Variants in LCORL observed in about 807,000 individuals in gnomAD.
The protein encoded by LCORL is ligand-dependent nuclear receptor corepressor-like protein.
In LCORL, 41 loss-of-function variants were observed where a neutral mutation model predicts 141.8. That is an observed-to-expected ratio of 0.29 (90% CI 0.23 to 0.38). The LOEUF (loss-of-function observed/expected upper bound fraction) is 0.38. Among genes scored for constraint, LCORL ranks in the 10% least tolerant of loss-of-function variants. The pLI, the probability that LCORL is intolerant of heterozygous loss-of-function variation, is 1.00. For synonymous variants in LCORL, 618 were observed against 694.1 expected, an observed-to-expected ratio of 0.89 and a Z score of 1.72; for missense variants, 1,759 against 2,035.0, an observed-to-expected ratio of 0.86 and a Z score of 2.61.
At chr4:17,924,016 G>A (rs1734719850) in intron 4 of LCORL, among the ~76,000 whole-genome samples, 1 of 151,820 alleles carries the variant, frequency 6.6e-6, no homozygotes, top group Admixed American at 6.6e-5. Context: ...TTTCTTTGAA[G>A]GAGAAATGGC....
At chr4:17,871,561 C>T (rs938936352) in intron 7 of LCORL, among the ~76,000 whole-genome samples, 19 of 151,802 alleles carry the variant, frequency 1.3e-4, no homozygotes, top group South Asian at 6.2e-4. Context: ...GGACAAAATA[C>T]GGTTCTGTTG....
chr4:17,920,305 G>C (rs1476701766), intron 4 of LCORL, among the ~76,000 whole-genome samples: 1 of 152,156 alleles, frequency 6.6e-6, no homozygotes, highest in Admixed American at 6.5e-5. Flanking sequence ...CATTATGGTG[G>C]TATGGAAATA....
intron 7 of LCORL, among the ~76,000 whole-genome samples, chr4:17,847,588 C>T (rs902201490): frequency 4.6e-5 from 7 of 151,972 alleles, no homozygotes; most frequent in Admixed American, 6.6e-5. Context: ...AAAGCTAAAA[C>T]GGATGTGATT....
chr4:17,890,130 T>C (rs909540491), intron 5 of LCORL, among the ~76,000 whole-genome samples: 4 of 152,116 alleles, frequency 2.6e-5, no homozygotes, highest in Non-Finnish European at 5.9e-5. Flanking sequence ...AATGCTGAAA[T>C]GAATATCCTT....
chr4:17,965,503 T>C (rs1475932950), intron 2 of LCORL, among the ~76,000 whole-genome samples: 6 of 152,186 alleles, frequency 3.9e-5, no homozygotes, highest in Admixed American at 3.3e-4. Flanking sequence ...GGTTAAATTA[T>C]ATATCTTATA....
At chr4:18,006,017 G>C (rs528120472) in intron 1 of LCORL, among the ~76,000 whole-genome samples, 12 of 152,114 alleles carry the variant, frequency 7.9e-5, no homozygotes, top group Non-Finnish European at 1.5e-4. Flanking sequence ...CACATTGCCA[G>C]ACTGCAAAAT....
chr4:17,863,971 GAAC>G (rs1314682246), intron 7 of LCORL, among the ~76,000 whole-genome samples: 3 of 152,232 alleles, frequency 2.0e-5, no homozygotes, highest in South Asian at 2.1e-4. Flanking sequence ...CCAAAGAAGA[GAAC>G]AACAGAAAGC....
At chr4:18,004,993 C>A (rs1722559576) in intron 1 of LCORL, among the ~76,000 whole-genome samples, 1 of 151,970 alleles carries the variant, frequency 6.6e-6, no homozygotes, top group South Asian at 2.1e-4. Flanking sequence ...TCTTGGCTCA[C>A]TGCAACCTCC....
At chr4:17,882,321 GCACT>G in intron 6 of LCORL, 1 of 984,526 alleles carries the variant, frequency 1.0e-6, no homozygotes, top group South Asian at 4.7e-5. Context: ...GAGAAAGGGG[GCACT>G]CAGAGAATTT....
intron 1 of LCORL, among the ~76,000 whole-genome samples, chr4:18,010,631 G>C (rs1394783070): frequency 7.1e-6 from 1 of 140,802 alleles, no homozygotes; most frequent in Non-Finnish European, 1.5e-5. Flanking sequence ...TGTATTTTTA[G>C]TACAGACAGG....
Position 17,855,475 on chromosome 4 carries a change from T to C in LCORL, c.5603-9574A>G, listed in dbSNP as rs1007278247. Among the ~76,000 whole-genome samples, 5 of 152,346 alleles carry C rather than the reference T, an allele frequency of 3.3e-5. No homozygotes were observed. The East Asian group carries it at 5.8e-4, about 18-fold the overall frequency. On this transcript the variant is annotated intron_variant, in intron 7 of 7. Transcript: ENST00000635767. ...ATCTATCTGCCTTCTCAAGAACTTA[T>C]CAATGATCATAATCCTTTTTTTGAT...
chr4:17,918,246 T>A (rs1733766559), intron 4 of LCORL, among the ~76,000 whole-genome samples: 1 of 152,174 alleles, frequency 6.6e-6, no homozygotes, highest in Admixed American at 6.5e-5. Flanking sequence ...TGGAGGATAA[T>A]CTGATTTCCT....
chr4:17,882,227 T>C, intron 6 of LCORL: 1 of 984,638 alleles, frequency 1.0e-6, no homozygotes, highest in Non-Finnish European at 1.2e-6. Flanking sequence ...CAAGGTGCAC[T>C]TATTTTTTAA....
At chr4:17,939,757 G>A (rs1004017468) in intron 4 of LCORL, among the ~76,000 whole-genome samples, 14 of 151,816 alleles carry the variant, frequency 9.2e-5, no homozygotes. Flanking sequence ...TATATGTGAA[G>A]GTGTCTAGAA....
intron 1 of LCORL, among the ~76,000 whole-genome samples, chr4:18,009,303 C>T (rs1200527573): frequency 6.7e-6 from 1 of 150,272 alleles, no homozygotes; most frequent in East Asian, 2.0e-4. Context: ...TGTACGTAAC[C>T]AATCTCCCAC....
intron 6 of LCORL, chr4:17,880,766 TAAC>T (rs1336555676): frequency 4.2e-6 from 4 of 956,332 alleles, no homozygotes; most frequent in Non-Finnish European, 5.0e-6. Context: ...TTTAGATATA[TAAC>T]AACACAAAGT....
chr4:17,971,270 G>A (rs1033130490), intron 2 of LCORL, among the ~76,000 whole-genome samples: 13 of 151,656 alleles, frequency 8.6e-5, no homozygotes, highest in Admixed American at 5.3e-4. Context: ...CACTTTTCTC[G>A]TTTTTGTTTT....
chr4:17,846,701 T>G lies in LCORL; in HGVS notation c.5603-800A>C, dbSNP rs959200838. On this transcript the variant is annotated intron_variant, in intron 7 of 7. Coordinates refer to ENST00000635767, the Ensembl canonical transcript of LCORL. The stretch of plus-strand genomic sequence containing the variant: ...ATATACACCCTCTGTTCTGGACTGG[T>G]GTCTTATTCCACAAGTTCATGAGCA... Among the ~76,000 whole-genome samples the G allele has an allele frequency of 4.6e-5, 7 of 152,306 alleles. No homozygotes were observed. The South Asian group carries it at 1.0e-3, about 23-fold the overall frequency.
At chr4:17,930,946 A>G (rs963391604) in intron 4 of LCORL, among the ~76,000 whole-genome samples, 1 of 152,170 alleles carries the variant, frequency 6.6e-6, no homozygotes, top group Non-Finnish European at 1.5e-5. Context: ...CATTCCTTTG[A>G]AACCTTCTGA....
Sources: allele counts gnomAD v4.1 joint callset (sites outside exome capture counted in the v4.1 genomes callset), GRCh38; gene constraint gnomAD v4.1.1; transcripts MANE v1.5; gene names NCBI Gene and HGNC (gene_info 2026-07-23, HGNC 2026-07-21).